Variants in SDCCAG8 observed in about 807,000 individuals in gnomAD.
The protein encoded by SDCCAG8 is SHH signaling and ciliogenesis regulator SDCCAG8.
SDCCAG8 carries 74 observed loss-of-function variants against 101.8 expected under a neutral mutation model. The ratio of observed to expected loss-of-function variants is 0.73; its 90% confidence interval spans 0.60 to 0.88. The LOEUF is 0.88. Among genes scored for constraint, SDCCAG8 ranks in the 40% least tolerant of loss-of-function variants. The pLI, the probability that SDCCAG8 is intolerant of heterozygous loss-of-function variation, is 0.00. For synonymous variants in SDCCAG8, 281 were observed against 292.9 expected (o/e 0.96, Z 0.41); for missense variants, 787 against 822.6 (o/e 0.96, Z 0.53).
chr1:243,482,738 T>C (rs1663998603), intron 16 of SDCCAG8, among the ~76,000 whole-genome samples: 1 of 152,172 alleles, frequency 6.6e-6, no homozygotes, highest in African/African-American at 2.4e-5. Context: ...CTGCCCCTGA[T>C]GGGGCCTGGC....
At chr1:243,301,615 G>A (rs1352237458) in intron 6 of SDCCAG8, among the ~76,000 whole-genome samples, 2 of 152,136 alleles carry the variant, frequency 1.3e-5, no homozygotes. Flanking sequence ...AATTTGTAGA[G>A]CCATCACTGC....
chr1:243,391,650 C>G (rs1221870354), intron 13 of SDCCAG8, among the ~76,000 whole-genome samples: 1 of 152,130 alleles, frequency 6.6e-6, no homozygotes, highest in Non-Finnish European at 1.5e-5. Context: ...AGGGTGGGCA[C>G]CAGTGAATAA....
intron 9 of SDCCAG8, among the ~76,000 whole-genome samples, chr1:243,327,424 G>GAAATTTATAATTTTATAGAAA (rs2074258735): frequency 3.1e-5 from 4 of 128,280 alleles, no homozygotes; most frequent in African/African-American, 8.1e-5. Flanking sequence ...TTTTATAGAA[G>GAAATTTATAATTTTATAGAAA]TTAAAATTAT....
chr1:243,444,378 G>GT lies in SDCCAG8; in HGVS notation c.1985+17831dup, dbSNP rs201182052. Reference sequence around the variant, plus strand: ...GTTTTTTTGTTTGTTTGTTTGTTTTGTTTTTTTTTTTGGGATGGAGTCTCG... The same window carrying GT: ...GTTTTTTTGTTTGTTTGTTTGTTTTGTTTTTTTTTTTTGGGATGGAGTCTCG... On this transcript the variant is annotated intron_variant, in intron 16 of 17. Transcript: ENST00000366541. Among the ~76,000 whole-genome samples the GT allele has an allele frequency of 9.7e-3, 1,386 of 143,522 alleles. 17 individuals are homozygous for GT. Among genetic ancestry groups the GT allele is most frequent in the East Asian group, 0.057 (282 of 4,990 alleles). 94.2% of individuals were successfully genotyped at this position (143,522 alleles called of 152,430 possible). A position where few individuals can be genotyped will look rare whatever the true frequency, so the allele number is the denominator to read the frequency against.
intron 1 of SDCCAG8, among the ~76,000 whole-genome samples, chr1:243,265,539 A>G (rs930281493): frequency 7.9e-5 from 12 of 152,254 alleles, no homozygotes; most frequent in Non-Finnish European, 8.8e-5. Flanking sequence ...TAGGCCGGGC[A>G]TGGTGGCTCA....
intron 13 of SDCCAG8, 65 bp from the exon 14 acceptor site, chr1:243,415,637 G>A: frequency 6.2e-7 from 1 of 1,608,372 alleles, no homozygotes; most frequent in Non-Finnish European, 8.5e-7. Flanking sequence ...TGGTCTATAG[G>A]GGACATGATG....
At position 243,482,880 on chromosome 1, in the gene SDCCAG8, C is replaced by T. The variant is rs374914771; in HGVS notation, c.1986-6134C>T. On this transcript the variant is annotated intron_variant, in intron 16 of 17. Transcript: ENST00000366541. ...AGAAGGGTCTGAATTAGGGGTTGAG[C>T]TCTGAAATCGGACGATTCTGTGTTT... Among the ~76,000 whole-genome samples the T allele has an allele frequency of 2.6e-5, 4 of 152,268 alleles. No individual in the cohort carries two copies. The South Asian group carries it at 6.2e-4, about 24-fold the overall frequency.
At chr1:243,477,535 T>C (rs1662680448) in intron 16 of SDCCAG8, among the ~76,000 whole-genome samples, 1 of 152,252 alleles carries the variant, frequency 6.6e-6, no homozygotes. Context: ...CTTGGTTCGA[T>C]AGCACTTGTA....
At chr1:243,267,751 G>C in intron 1 of SDCCAG8, 1 of 801,894 alleles carries the variant, frequency 1.2e-6, no homozygotes, top group Non-Finnish European at 2.3e-6. Context: ...GATCCTTGGC[G>C]ATCCTTAGAG....
At chr1:243,367,740 T>A (rs1055631028) in intron 12 of SDCCAG8, among the ~76,000 whole-genome samples, 3 of 149,266 alleles carry the variant, frequency 2.0e-5, no homozygotes, top group African/African-American at 7.3e-5. Context: ...TATGCATTCA[T>A]GTATAATATT....
chr1:243,402,077 A>G (rs1038047094), intron 13 of SDCCAG8, among the ~76,000 whole-genome samples: 1 of 152,176 alleles, frequency 6.6e-6, no homozygotes, highest in African/African-American at 2.4e-5. Flanking sequence ...ATACAGAGGG[A>G]GCCACAAAAT....
chr1:243,291,435 G>T (rs1467319664), intron 5 of SDCCAG8, among the ~76,000 whole-genome samples: 1 of 152,184 alleles, frequency 6.6e-6, no homozygotes, highest in Non-Finnish European at 1.5e-5. Context: ...CCACATGGCA[G>T]TGATTGACTG....
chr1:243,354,282 C>A (rs1002539086), intron 12 of SDCCAG8, among the ~76,000 whole-genome samples: 1 of 152,194 alleles, frequency 6.6e-6, no homozygotes, highest in African/African-American at 2.4e-5. Context: ...ACAGAAATTG[C>A]ATGGAGCCTC....
intron 12 of SDCCAG8, among the ~76,000 whole-genome samples, chr1:243,352,174 C>T (rs1008052540): frequency 1.3e-5 from 2 of 152,132 alleles, no homozygotes; most frequent in African/African-American, 4.8e-5. Context: ...AGAGACAACA[C>T]ATCTGAAAAT....
At chr1:243,300,994 A>T (rs1000281898) in intron 6 of SDCCAG8, among the ~76,000 whole-genome samples, 23 of 152,202 alleles carry the variant, frequency 1.5e-4, no homozygotes, top group African/African-American at 5.5e-4. Flanking sequence ...GTCATAAATG[A>T]ATAAAATATA....
intron 1 of SDCCAG8, among the ~76,000 whole-genome samples, chr1:243,261,207 C>T (rs2067169812): frequency 6.6e-6 from 1 of 151,906 alleles, no homozygotes; most frequent in Non-Finnish European, 1.5e-5. Flanking sequence ...CCCTCTTTTC[C>T]TCCCTCTTTT....
intron 16 of SDCCAG8, among the ~76,000 whole-genome samples, chr1:243,485,734 TCTC>T (rs1366914483): frequency 1.3e-5 from 2 of 150,826 alleles, no homozygotes; most frequent in African/African-American, 4.9e-5. Context: ...TGAAACCCTG[TCTC>T]TACGAAAAAT....
At chr1:243,486,682 C>T (rs146780201) in intron 16 of SDCCAG8, among the ~76,000 whole-genome samples, 53 of 152,322 alleles carry the variant, frequency 3.5e-4, no homozygotes, top group African/African-American at 1.3e-3. Context: ...GGATGGGCTG[C>T]CATCCCTTTT....
chr1:243,427,215 C>T (rs1015170784), intron 16 of SDCCAG8, among the ~76,000 whole-genome samples: 2 of 152,136 alleles, frequency 1.3e-5, no homozygotes, highest in African/African-American at 2.4e-5. Context: ...TGAAGAAATT[C>T]GGCTCAGAGA....
Sources: gnomAD v4.1 joint callset for allele counts (sites outside exome capture counted in the v4.1 genomes callset) on GRCh38, gnomAD v4.1.1 for gene constraint, MANE v1.5 for transcripts, NCBI Gene and HGNC (gene_info 2026-07-23, HGNC 2026-07-21) for gene names.